The following SLC35E1 variants were observed in gnomAD, a reference collection of about 807,000 sequenced individuals.
SLC35E1 encodes solute carrier family 35 member E1.
SLC35E1 carries 12 observed loss-of-function variants against 31.0 expected under a neutral mutation model. That is an observed-to-expected ratio of 0.39 (90% confidence interval 0.25 to 0.63). SLC35E1 has a LOEUF of 0.63. SLC35E1 is among the 20% of genes least tolerant of loss of function. The pLI is 0.52. For synonymous variants in SLC35E1, 257 were observed against 264.1 expected, an observed-to-expected ratio of 0.97 and a Z score of 0.26; for missense variants, 429 against 572.2, an observed-to-expected ratio of 0.75 and a Z score of 2.55.
At chr19:16,570,338 C>T (rs906147374) in intron 2 of SLC35E1, among the ~76,000 whole-genome samples, 1 of 152,020 alleles carries the variant, frequency 6.6e-6, no homozygotes, top group Non-Finnish European at 1.5e-5. Flanking sequence ...CAAAGACAGG[C>T]AGGAATAAAA....
At chr19:16,560,469 G>A (rs1177302950) in intron 4 of SLC35E1, among the ~76,000 whole-genome samples, 1 of 152,156 alleles carries the variant, frequency 6.6e-6, no homozygotes, top group Non-Finnish European at 1.5e-5. Context: ...CCCTTCTCAG[G>A]GTTTTAGGTG....
chr19:16,571,661 G>A, intron 1 of SLC35E1, 79 bp from the exon 2 acceptor site: 1 of 1,499,310 alleles, frequency 6.7e-7, no homozygotes, highest in Non-Finnish European at 9.2e-7. Context: ...GGCGGGATGG[G>A]AGGGCCTGGC....
At chr19:16,558,101 T>C (rs1189234999) in intron 4 of SLC35E1, among the ~76,000 whole-genome samples, 3 of 151,798 alleles carry the variant, frequency 2.0e-5, no homozygotes, top group South Asian at 2.1e-4. Context: ...TGGAGTGCAA[T>C]GGTGCGATCT....
At position 16,572,375 on chromosome 19, in the gene SLC35E1, C is replaced by G. The variant is rs1420316185; in HGVS notation, c.-11G>C. ...CGCGGCCGCCGCCATCCTGCCCGAG[C>G]GGCCGCCCCTTCCAGCCCGTCCGAC... On this transcript the variant is annotated 5_prime_UTR_variant, in exon 1 of 6. Coordinates refer to ENST00000595753, the MANE Select transcript of SLC35E1 (RefSeq NM_024881.5). The surrounding 1 kb of genome is among the most constrained non-coding windows in gnomAD (Gnocchi z 4.1). The G allele has an allele frequency of 1.0e-6, 1 of 1,001,900 alleles. No homozygotes were observed. The highest frequency in any genetic ancestry group is 1.2e-6 in the Non-Finnish European group (1 of 841,048). The allele number at this position is 1,001,900 out of a possible 1,614,324, so 62.1% of individuals were successfully genotyped here. A position where few individuals can be genotyped will look rare whatever the true frequency, so the allele number is the denominator to read the frequency against.
chr19:16,560,894 A>AAAAAAAAAAACCAAAAGAAAAAAAC lies in SLC35E1; in HGVS notation c.757-5498_757-5497insGTTTTTTTCTTTTGGTTTTTTTTTT, dbSNP rs1282867880. On this transcript the variant is annotated intron_variant, in intron 4 of 5. Transcript: ENST00000595753. ...AAAAAAAAAAACCAAAAAAAAAAAA[A>AAAAAAAAAAACCAAAAGAAAAAAAC]AAAAAAGAGAAAAAGCCTAACAGGC... Among the ~76,000 whole-genome samples, 367 of 143,554 alleles carry AAAAAAAAAAACCAAAAGAAAAAAAC rather than the reference A, an allele frequency of 2.6e-3. 6 individuals carry two copies. The highest frequency in any genetic ancestry group is 9.0e-3 in the African/African-American group (333 of 36,906). The allele number at this position is 143,554 out of a possible 152,430, so 94.2% of individuals were successfully genotyped here.
chr19:16,559,463 TACACACAC>T lies in SLC35E1; in HGVS notation c.757-4074_757-4067del, dbSNP rs61643316. 7.3e-3 allele frequency among the ~76,000 whole-genome samples: 1,041 copies of T among 142,362 alleles called. 12 individuals are homozygous for T. The highest frequency in any genetic ancestry group is 0.021 in the African/African-American group (776 of 36,976). 93.4% of individuals were successfully genotyped at this position (142,362 alleles called of 152,430 possible). A position where few individuals can be genotyped will look rare whatever the true frequency, so the allele number is the denominator to read the frequency against. ...GGCAAAACCTTCTTTCTACAAAAAATACACACACACACACACACACACACACACACACA... is the reference window on the plus strand; with the variant it reads ...GGCAAAACCTTCTTTCTACAAAAAATACACACACACACACACACACACACA... On this transcript the variant is annotated intron_variant, in intron 4 of 5. Transcript: ENST00000595753.
At position 16,553,843 on chromosome 19, in the gene SLC35E1, T is replaced by C; in HGVS notation, c.1069A>G (p.Ser357Gly). The C allele has an allele frequency of 1.2e-6, 2 of 1,614,010 alleles. No homozygotes were observed. The highest frequency in any genetic ancestry group is 2.2e-5 in the South Asian group (2 of 91,070). Residue 357 changes from serine (S) to glycine (G), a missense_variant, in exon 6 of 6, where the codon AGC becomes GGC. Coordinates refer to ENST00000595753, the MANE Select transcript of SLC35E1 (RefSeq NM_024881.5). Reference sequence around the variant, plus strand: ...AGTGGGCTCCGGTGACGCTCCTTGCTGCTCAGGTCTGCTGTGGTGACGGGG... The same window carrying C: ...AGTGGGCTCCGGTGACGCTCCTTGCCGCTCAGGTCTGCTGTGGTGACGGGG... ...LLPVTTADLSSKERHRSPLEK... is the reference protein window; with the variant it reads ...LLPVTTADLSGKERHRSPLEK...
intron 4 of SLC35E1, among the ~76,000 whole-genome samples, chr19:16,561,780 A>G (rs2085907659): frequency 6.6e-6 from 1 of 152,164 alleles, no homozygotes; most frequent in Admixed American, 6.5e-5. Context: ...TGGGAGACAC[A>G]AGACAAAGAG....
At position 16,553,437 on chromosome 19, in the gene SLC35E1, A is replaced by G. The variant is rs1599761343; in HGVS notation, c.*242T>C. The G allele has an allele frequency of 2.9e-6, 1 of 346,378 alleles. No individual in the cohort carries two copies. The highest frequency in any genetic ancestry group is 5.2e-6 in the Non-Finnish European group (1 of 192,260). The allele number at this position is 346,378 out of a possible 1,614,324, so 21.5% of individuals were successfully genotyped here. On this transcript the variant is annotated 3_prime_UTR_variant, in exon 6 of 6. Transcript: ENST00000595753. ...ACACGGCCCTCAGATGACAGACTCC[A>G]GGAAGAAAGAGCATGAGACACTGGT... is the stretch of plus-strand genomic sequence containing the variant.
intron 2 of SLC35E1, among the ~76,000 whole-genome samples, chr19:16,569,645 A>C (rs908798769): frequency 1.3e-5 from 2 of 152,104 alleles, no homozygotes. Context: ...CAGGAGTTTG[A>C]GACCAGCCTG....
intron 2 of SLC35E1, 40 bp downstream of exon 2, chr19:16,571,472 C>T: frequency 6.2e-7 from 1 of 1,607,154 alleles, no homozygotes; most frequent in Non-Finnish European, 8.5e-7. Context: ...GAGGAACCCC[C>T]TGGAGCTCCC....
chr19:16,563,511 T>G (rs1447968835), intron 4 of SLC35E1, among the ~76,000 whole-genome samples: 1 of 152,058 alleles, frequency 6.6e-6, no homozygotes, highest in Non-Finnish European at 1.5e-5. Flanking sequence ...ATGACCAGAC[T>G]TCTTCTTTTT....
At position 16,568,044 on chromosome 19, in the gene SLC35E1, A is replaced by C. The variant is rs764064028; in HGVS notation, c.618T>G (p.Ile206Met). 6 of 1,609,924 alleles carry C rather than the reference A, an allele frequency of 3.7e-6. No individual in the cohort carries two copies. The highest frequency in any genetic ancestry group is 5.1e-6 in the Non-Finnish European group (6 of 1,178,146). The change falls in exon 3 of 6, where the codon ATT becomes ATG. Residue 206 changes from isoleucine to methionine, a missense_variant. Ile to Met is a conservative substitution (Grantham distance 10). Transcript: ENST00000595753. ...AATLCFSLQN[I>M]FSKKVLRDSR... ...GGTGACCAAATACCTTTTTGGAGAA[A>C]ATGTTCTGAAGCGAGAAGCACAGCG... is the stretch of plus-strand genomic sequence containing the variant.
At chr19:16,554,743 G>A (rs973075817) in intron 5 of SLC35E1, among the ~76,000 whole-genome samples, 1 of 151,022 alleles carries the variant, frequency 6.6e-6, no homozygotes, top group Admixed American at 6.6e-5. Context: ...GCTTGACCCC[G>A]GGAGGCGGAG....
rs368342223 is a variant in SLC35E1 at position 16,556,204 on chromosome 19, C to T, written c.757-807G>A. On this transcript the variant is annotated intron_variant, in intron 4 of 5. Coordinates refer to ENST00000595753, the MANE Select transcript of SLC35E1 (RefSeq NM_024881.5). ...CTCCAGCCAGGGCAACAGAGCGAGACTCTGTCTCAAAAAAACAAACAAAAA... is the reference window on the plus strand; with the variant it reads ...CTCCAGCCAGGGCAACAGAGCGAGATTCTGTCTCAAAAAAACAAACAAAAA... 4.9e-4 allele frequency among the ~76,000 whole-genome samples: 75 copies of T among 151,674 alleles called. 1 individual carries two copies. Among genetic ancestry groups the T allele is most frequent in the African/African-American group, 1.7e-3 (72 of 41,310 alleles).
intron 4 of SLC35E1, among the ~76,000 whole-genome samples, chr19:16,556,705 C>T (rs1465918910): frequency 3.9e-5 from 6 of 152,320 alleles, no homozygotes; most frequent in East Asian, 3.9e-4. Context: ...TTCCAGGCCA[C>T]GCTGACCTTG....
In SLC35E1 at chr19:16,553,689, T is replaced by C. The variant is rs1193767953; in HGVS notation, c.1223A>G (p.Tyr408Cys). The C allele has an allele frequency of 2.6e-6, 4 of 1,561,850 alleles. No homozygotes were observed. Among genetic ancestry groups the C allele is most frequent in the Admixed American group, 1.8e-5 (1 of 56,552 alleles). ...CCTGTCCTTTGGACTCTACACATCA[T>C]AGCGGTTCAAACTGTACGAGTTTGG... ...SYPNSYSLNR[Y>C]DV The change falls in exon 6 of 6, where the codon TAT becomes TGT. Residue 408 changes from tyrosine to cysteine, a missense_variant. Coordinates refer to ENST00000595753, the MANE Select transcript of SLC35E1 (RefSeq NM_024881.5).
At chr19:16,553,948 G>A in intron 5 of SLC35E1, 39 bp from the exon 6 acceptor site, 1 of 1,509,026 alleles carries the variant, frequency 6.6e-7, no homozygotes, top group Non-Finnish European at 8.9e-7. Context: ...GACATGCCCG[G>A]GGCATAAGAG....
intron 4 of SLC35E1, chr19:16,564,126 T>C (rs1343073608): frequency 6.6e-6 from 1 of 152,242 alleles, no homozygotes; most frequent in African/African-American, 2.4e-5. Flanking sequence ...GGATTGTGTC[T>C]CTAAATACCG....
Sources: gnomAD v4.1 joint callset for allele counts (sites outside exome capture counted in the v4.1 genomes callset) on GRCh38, gnomAD v4.1.1 for gene constraint, Gnocchi (gnomAD v3.1) non-coding constraint, MANE v1.5 for transcripts, NCBI Gene and HGNC (gene_info 2026-07-23, HGNC 2026-07-21) for gene names.